The following PCDHGB7 variants were observed in gnomAD, a reference collection of about 807,000 sequenced individuals.
PCDHGB7 encodes the protein protocadherin gamma-B7.
PCDHGB7 carries 37 observed loss-of-function variants against 61.4 expected under a neutral mutation model. That is an observed-to-expected ratio of 0.60 (90% CI 0.46 to 0.79). The LOEUF (loss-of-function observed/expected upper bound fraction) is 0.79, where lower values mean the gene tolerates loss of function less well. PCDHGB7 is among the 30% of genes least tolerant of loss of function. The probability of loss-of-function intolerance (pLI) is 0.00; values close to 1 mark genes in which losing one functional copy is unlikely to be tolerated. For missense variants in PCDHGB7, 1,166 were observed against 1,202.5 expected (o/e 0.97, Z 0.45); for synonymous variants, 464 against 503.5 (o/e 0.92, Z 1.05).
intron 1 of PCDHGB7, among the ~76,000 whole-genome samples, chr5:141,444,872 G>T (rs2098449555): frequency 6.6e-6 from 1 of 152,120 alleles, no homozygotes. Context: ...ACAGGACAAA[G>T]CTTGTAGGAT....
intron 1 of PCDHGB7, among the ~76,000 whole-genome samples, chr5:141,444,162 T>A: frequency 8.4e-6 from 1 of 119,238 alleles, no homozygotes. Flanking sequence ...ATTTTTTTTT[T>A]TTTTTTTTTT....
chr5:141,499,565 C>CTTATCTTGT (rs2099792732), intron 2 of PCDHGB7, among the ~76,000 whole-genome samples: 2 of 152,168 alleles, frequency 1.3e-5, no homozygotes, highest in Non-Finnish European at 2.9e-5. Flanking sequence ...CACTATCCAG[C>CTTATCTTGT]TTCAACTAAT....
rs61612330 is a variant in PCDHGB7 at position 141,454,796 on chromosome 5, A to ATTTTTTTTTTTTTTTTTTTTTTTTT, written c.2415+34527_2415+34551dup. ...AAGGAAATAATCCTCCATGGTTCTA[A>ATTTTTTTTTTTTTTTTTTTTTTTTT]TTTTTTTTTTTTTTTTTTTTTTTTT... On this transcript the variant is annotated intron_variant, in intron 1 of 3. Coordinates refer to ENST00000398594, the MANE Select transcript of PCDHGB7 (RefSeq NM_018927.4). Among the ~76,000 whole-genome samples, 7 of 77,408 alleles carry ATTTTTTTTTTTTTTTTTTTTTTTTT rather than the reference A, an allele frequency of 9.0e-5. 1 individual carries two copies. Among genetic ancestry groups the ATTTTTTTTTTTTTTTTTTTTTTTTT allele is most frequent in the East Asian group, 4.0e-4 (1 of 2,514 alleles). 50.8% of individuals were successfully genotyped at this position (77,408 alleles called of 152,430 possible). A position where few individuals can be genotyped will look rare whatever the true frequency, so the allele number is the denominator to read the frequency against.
chr5:141,455,133 C>G (rs1172825339), intron 1 of PCDHGB7, among the ~76,000 whole-genome samples: 2 of 151,392 alleles, frequency 1.3e-5, no homozygotes, highest in African/African-American at 4.9e-5. Context: ...TTAAATTACA[C>G]TGTGTTAAAT....
intron 1 of PCDHGB7, among the ~76,000 whole-genome samples, chr5:141,443,577 G>A (rs567410923): frequency 1.3e-5 from 2 of 152,284 alleles, no homozygotes; most frequent in South Asian, 4.1e-4. Context: ...ATGGACTTGA[G>A]CTAAAACAGA....
Position 141,427,760 on chromosome 5 carries a change from T to C in PCDHGB7, c.2415+7486T>C, listed in dbSNP as rs1464459008. On this transcript the variant is annotated intron_variant, in intron 1 of 3. Coordinates refer to ENST00000398594, the MANE Select transcript of PCDHGB7 (RefSeq NM_018927.4). The stretch of plus-strand genomic sequence containing the variant: ...AAGTCTCCTACTCCATCGTTACCAC[T>C]GACTTGGAGCTGCGGGCACTGTCGT... The C allele has an allele frequency of 4.4e-6, 6 of 1,360,822 alleles. No individual in the cohort carries two copies. The Admixed American group carries it at 5.1e-5, about 12-fold the overall frequency. 84.3% of individuals were successfully genotyped at this position (1,360,822 alleles called of 1,614,324 possible).
chr5:141,477,854 C>T lies in PCDHGB7; in HGVS notation c.2416-16953C>T. Reference sequence around the variant, plus strand: ...GCCAGGTGGGAGCTCGGTGGAGATGCTGCCTCGAGGTACCTCAGCTGGCCA... The same window carrying T: ...GCCAGGTGGGAGCTCGGTGGAGATGTTGCCTCGAGGTACCTCAGCTGGCCA... On this transcript the variant is annotated intron_variant, in intron 1 of 3. Transcript: ENST00000398594. This position sits in a 1 kb window ranked among gnomAD's most constrained non-coding sequence, Gnocchi z 4.9. 1.9e-6 allele frequency: 3 copies of T among 1,614,098 alleles called. No individual in the cohort carries two copies. The South Asian group carries it at 3.3e-5, about 18-fold the overall frequency.
rs2099687792 is a variant in PCDHGB7, at chr5:141,489,485, G to GT, written c.2416-5321dup. Reference sequence around the variant, plus strand: ...TATTTTTCCCTGAGCTTGATGAGTGGTGCCCTGGCAGTGAATCAAAAGATT... The same window carrying GT: ...TATTTTTCCCTGAGCTTGATGAGTGGTTGCCCTGGCAGTGAATCAAAAGATT... On this transcript the variant is annotated intron_variant, in intron 1 of 3. Coordinates refer to ENST00000398594, the MANE Select transcript of PCDHGB7 (RefSeq NM_018927.4). This position sits in a 1 kb window ranked among gnomAD's most constrained non-coding sequence, Gnocchi z 4.5. The GT allele has an allele frequency of 6.2e-7, 1 of 1,614,088 alleles. No individual in the cohort carries two copies. The highest frequency in any genetic ancestry group is 2.2e-5 in the East Asian group (1 of 44,868).
intron 1 of PCDHGB7, among the ~76,000 whole-genome samples, chr5:141,439,341 G>A (rs1464427300): frequency 6.6e-6 from 1 of 152,166 alleles, no homozygotes; most frequent in East Asian, 1.9e-4. Context: ...AAGATTCTAA[G>A]CCTACAAATA....
At chr5:141,427,693 C>G in intron 1 of PCDHGB7, 1 of 909,726 alleles carries the variant, frequency 1.1e-6, no homozygotes, top group Non-Finnish European at 1.8e-6. Flanking sequence ...GCCTCCATCC[C>G]ACAAGTCAGC....
chr5:141,480,712 A>G (rs559266864), intron 1 of PCDHGB7, among the ~76,000 whole-genome samples: 13 of 152,306 alleles, frequency 8.5e-5, no homozygotes, highest in African/African-American at 2.9e-4. Context: ...CCGACAAATG[A>G]AAGCACAGTC....
rs187873649 is a variant in PCDHGB7, at chr5:141,469,715, G to A, written c.2416-25092G>A. ...TATGACCTAGTAATCACACTATTAG[G>A]AATTTATCATAAATACACACCTCAA... On this transcript the variant is annotated intron_variant, in intron 1 of 3. Coordinates refer to ENST00000398594, the MANE Select transcript of PCDHGB7 (RefSeq NM_018927.4). Among the ~76,000 whole-genome samples, 552 of 152,160 alleles carry A rather than the reference G, an allele frequency of 3.6e-3. 1 individual carries two copies. Among genetic ancestry groups the A allele is most frequent in the Non-Finnish European group, 5.8e-3 (397 of 68,008 alleles).
At chr5:141,447,244 A>G (rs1475037979) in intron 1 of PCDHGB7, among the ~76,000 whole-genome samples, 1 of 152,062 alleles carries the variant, frequency 6.6e-6, no homozygotes, top group South Asian at 2.1e-4. Flanking sequence ...GGTTCAAGTG[A>G]TTCTTCTGTC....
At chr5:141,458,615 G>A (rs2098949624) in intron 1 of PCDHGB7, among the ~76,000 whole-genome samples, 1 of 152,088 alleles carries the variant, frequency 6.6e-6, no homozygotes, top group Admixed American at 6.6e-5. Flanking sequence ...TGTCAGCCAG[G>A]CTGGAGTGCA....
intron 1 of PCDHGB7, among the ~76,000 whole-genome samples, chr5:141,456,862 C>T (rs1385304686): frequency 6.6e-6 from 1 of 152,086 alleles, no homozygotes; most frequent in Non-Finnish European, 1.5e-5. Context: ...AATTGGGAGG[C>T]TGAGGCAGGA....
intron 1 of PCDHGB7, among the ~76,000 whole-genome samples, chr5:141,473,915 A>G (rs1366378437): frequency 3.3e-5 from 5 of 152,162 alleles, no homozygotes; most frequent in Non-Finnish European, 5.9e-5. Flanking sequence ...GTCTTAAGAA[A>G]ACTATGAGCT....
At chr5:141,449,252 T>C (rs1401555556) in intron 1 of PCDHGB7, among the ~76,000 whole-genome samples, 1 of 152,144 alleles carries the variant, frequency 6.6e-6, no homozygotes, top group Non-Finnish European at 1.5e-5. Flanking sequence ...GTTGCAAGAA[T>C]TGTACAAAGA....
chr5:141,422,677 C>G, intron 1 of PCDHGB7: 1 of 1,606,186 alleles, frequency 6.2e-7, no homozygotes, highest in Non-Finnish European at 8.5e-7. Context: ...GGACAGCAAA[C>G]AGAATGCCCT....
intron 1 of PCDHGB7, among the ~76,000 whole-genome samples, chr5:141,467,743 C>T (rs1166073224): frequency 8.5e-5 from 13 of 152,052 alleles, no homozygotes; most frequent in Non-Finnish European, 1.8e-4. Flanking sequence ...CTCGCTGCAA[C>T]CTCCGCCTCA....
Sources: allele counts gnomAD v4.1 joint callset (sites outside exome capture counted in the v4.1 genomes callset), GRCh38; gene constraint gnomAD v4.1.1; non-coding constraint Gnocchi (gnomAD v3.1); transcripts MANE v1.5; gene names NCBI Gene and HGNC (gene_info 2026-07-23, HGNC 2026-07-21).